ZHX2: variants seen among roughly 807,000 people sequenced by gnomAD.
The protein encoded by ZHX2 is zinc fingers and homeoboxes 2, also known as zinc fingers and homeoboxes protein 2.
In ZHX2, 6 loss-of-function variants were observed where a neutral mutation model predicts 21.9. That is an observed-to-expected ratio of 0.27 (90% CI 0.15 to 0.54). ZHX2 has a LOEUF of 0.54. ZHX2 is among the 20% of genes least tolerant of loss of function. The probability of loss-of-function intolerance (pLI) is 0.95; values close to 1 mark genes in which losing one functional copy is unlikely to be tolerated. For synonymous variants in ZHX2, 434 were observed against 437.1 expected (o/e 0.99, Z 0.09); for missense variants, 908 against 1,090.7 (o/e 0.83, Z 2.36).
chr8:122,888,290 A>G (rs893121311), intron 2 of ZHX2, among the ~76,000 whole-genome samples: 5 of 152,030 alleles, frequency 3.3e-5, no homozygotes, highest in Non-Finnish European at 7.4e-5. Flanking sequence ...ATGGACACAT[A>G]ATTATTGTAC....
At chr8:122,793,732 G>C (rs184804617) in intron 1 of ZHX2, among the ~76,000 whole-genome samples, 1 of 152,178 alleles carries the variant, frequency 6.6e-6, no homozygotes, top group Admixed American at 6.5e-5. Context: ...TTCCAGTTTG[G>C]TCAAAGCCTA....
chr8:122,829,899 T>C (rs183191567), intron 1 of ZHX2, among the ~76,000 whole-genome samples: 267 of 152,332 alleles, frequency 1.8e-3, no homozygotes, highest in Non-Finnish European at 2.5e-3. Context: ...GGAGCCCTGT[T>C]GGTGATGAAG....
chr8:122,846,995 C>T (rs1228080247), intron 1 of ZHX2, among the ~76,000 whole-genome samples: 2 of 152,132 alleles, frequency 1.3e-5, no homozygotes, highest in Non-Finnish European at 2.9e-5. Flanking sequence ...GTACTCAGAA[C>T]AGGGCCTGCA....
chr8:122,864,131 T>C (rs1819232936), intron 2 of ZHX2, among the ~76,000 whole-genome samples: 1 of 149,982 alleles, frequency 6.7e-6, no homozygotes, highest in Non-Finnish European at 1.5e-5. Flanking sequence ...TGGAGAAATG[T>C]CTGTGGGACA....
chr8:122,947,511 T>C (rs1813007696), intron 2 of ZHX2, among the ~76,000 whole-genome samples: 1 of 152,234 alleles, frequency 6.6e-6, no homozygotes, highest in African/African-American at 2.4e-5. Context: ...AGAATGGTTC[T>C]GCACAGAGAT....
intron 1 of ZHX2, chr8:122,807,931 T>C (rs918932774): frequency 5.9e-5 from 9 of 152,168 alleles, no homozygotes; most frequent in African/African-American, 2.2e-4. Context: ...GATCTCAGCT[T>C]TACCCCTTTT....
chr8:122,822,767 A>T (rs1188475746), intron 1 of ZHX2, among the ~76,000 whole-genome samples: 1 of 152,228 alleles, frequency 6.6e-6, no homozygotes, highest in Admixed American at 6.5e-5. Flanking sequence ...CCTGCCAGGT[A>T]AGGCCTGTGC....
intron 1 of ZHX2, among the ~76,000 whole-genome samples, chr8:122,807,540 G>A (rs1021983495): frequency 2.6e-5 from 4 of 152,156 alleles, no homozygotes; most frequent in Admixed American, 6.5e-5. Context: ...CTCTGCCTGC[G>A]ACCCACCTAA....
At chr8:122,823,935 G>T (rs1341538231) in intron 1 of ZHX2, among the ~76,000 whole-genome samples, 5 of 152,198 alleles carry the variant, frequency 3.3e-5, no homozygotes, top group Non-Finnish European at 5.9e-5. Context: ...TTTTGTTGAA[G>T]ACTGTATCCC....
In ZHX2 at chr8:122,952,614, C is replaced by T. The variant is rs202068049; in HGVS notation, c.1104C>T (p.Cys368=). 6.2e-6 allele frequency: 10 copies of T among 1,614,048 alleles called. No homozygotes were observed. Among genetic ancestry groups the T allele is most frequent in the African/African-American group, 1.3e-5 (1 of 74,918 alleles). ...TQPILQTALP[C]QILGQTSLVL... ...CCATCCTCCAGACGGCTCTACCGTGCCAGATCCTCGGCCAGACTAGCCTGG... is the reference window on the plus strand; with the variant it reads ...CCATCCTCCAGACGGCTCTACCGTGTCAGATCCTCGGCCAGACTAGCCTGG... Residue 368 remains cysteine (C), a synonymous_variant, in exon 3 of 4, where the codon TGC becomes TGT. Coordinates refer to ENST00000314393, the MANE Select transcript of ZHX2 (RefSeq NM_014943.5). The surrounding 1 kb of genome is among the most constrained non-coding windows in gnomAD (Gnocchi z 6.9).
chr8:122,815,949 G>A (rs575511800), intron 1 of ZHX2, among the ~76,000 whole-genome samples: 171 of 151,958 alleles, frequency 1.1e-3, no homozygotes, highest in African/African-American at 3.9e-3. Context: ...GTGTGGTGGC[G>A]CACACCTGCA....
At chr8:122,791,044 C>G (rs1222542843) in intron 1 of ZHX2, among the ~76,000 whole-genome samples, 2 of 152,182 alleles carry the variant, frequency 1.3e-5, no homozygotes, top group Non-Finnish European at 2.9e-5. Flanking sequence ...TTTAACCCCT[C>G]CTGCCCTCCA....
chr8:122,878,997 TG>T (rs1021025063), intron 2 of ZHX2, among the ~76,000 whole-genome samples: 3 of 152,016 alleles, frequency 2.0e-5, no homozygotes, highest in Admixed American at 6.5e-5. Flanking sequence ...ATTAGAGGAA[TG>T]GGGACCTACT....
intron 2 of ZHX2, among the ~76,000 whole-genome samples, chr8:122,880,154 C>T (rs559041782): frequency 2.6e-5 from 4 of 151,420 alleles, no homozygotes; most frequent in East Asian, 3.9e-4. Context: ...TTGTATTTTT[C>T]GTAGAGATGG....
chr8:122,866,592 C>A (rs201764003), intron 2 of ZHX2, among the ~76,000 whole-genome samples: 1 of 152,168 alleles, frequency 6.6e-6, no homozygotes. Context: ...TCCCATCAAC[C>A]CCCCTGACAT....
intron 1 of ZHX2, among the ~76,000 whole-genome samples, chr8:122,812,287 C>G (rs940889726): frequency 6.6e-6 from 1 of 152,184 alleles, no homozygotes; most frequent in South Asian, 2.1e-4. Flanking sequence ...TTATGGGCCA[C>G]GGTCAAGACC....
chr8:122,834,538 G>T (rs546303988), intron 1 of ZHX2, among the ~76,000 whole-genome samples: 1 of 152,246 alleles, frequency 6.6e-6, no homozygotes. Context: ...TGATGGCAGA[G>T]GTAAGCATTC....
intron 3 of ZHX2, among the ~76,000 whole-genome samples, chr8:122,955,255 G>A (rs1813269320): frequency 6.6e-6 from 1 of 151,470 alleles, no homozygotes; most frequent in Non-Finnish European, 1.5e-5. Context: ...GGGCTGGTGG[G>A]AGGGAAAGCA....
intron 1 of ZHX2, among the ~76,000 whole-genome samples, chr8:122,802,943 C>T (rs1229939240): frequency 6.6e-6 from 1 of 152,046 alleles, no homozygotes; most frequent in Non-Finnish European, 1.5e-5. Flanking sequence ...ATCCCACTGC[C>T]CCCACTCCCA....
Sources: gnomAD v4.1 joint callset for allele counts (sites outside exome capture counted in the v4.1 genomes callset) on GRCh38, gnomAD v4.1.1 for gene constraint, Gnocchi (gnomAD v3.1) non-coding constraint, MANE v1.5 for transcripts, NCBI Gene and HGNC (gene_info 2026-07-23, HGNC 2026-07-21) for gene names.